TMEM117: variants seen among roughly 807,000 people sequenced by gnomAD.
The protein encoded by TMEM117 is transmembrane protein 117.
A neutral mutation model predicts 52.4 loss-of-function variants in TMEM117; 27 were observed. The observed-to-expected ratio is 0.51, with a 90% CI of 0.38 to 0.71. The LOEUF is 0.71. Ranked by LOEUF, TMEM117 falls within the 30% of genes least tolerant of loss-of-function variation. The probability of loss-of-function intolerance (pLI) is 0.00; values close to 1 mark genes in which losing one functional copy is unlikely to be tolerated. For synonymous variants in TMEM117, 215 were observed against 206.3 expected, an observed-to-expected ratio of 1.04 and a Z score of -0.36; for missense variants, 556 against 630.5, an observed-to-expected ratio of 0.88 and a Z score of 1.26.
At chr12:43,938,948 C>T (rs1043668828) in intron 2 of TMEM117, among the ~76,000 whole-genome samples, 20 of 151,132 alleles carry the variant, frequency 1.3e-4, no homozygotes, top group South Asian at 6.2e-4. Context: ...TGCAGTGAGC[C>T]GAGATTGCTC....
At chr12:43,982,739 A>G (rs559478059) in intron 3 of TMEM117, among the ~76,000 whole-genome samples, 41 of 152,304 alleles carry the variant, frequency 2.7e-4, no homozygotes, top group Admixed American at 1.3e-3. Context: ...TGTGAATAGA[A>G]TGACTCTTCT....
At chr12:44,370,349 C>A (rs1006347572) in intron 6 of TMEM117, among the ~76,000 whole-genome samples, 1 of 151,944 alleles carries the variant, frequency 6.6e-6, no homozygotes, top group South Asian at 2.1e-4. Flanking sequence ...TTCCAGTACA[C>A]CTAGTTTATA....
chr12:44,153,488 A>T (rs1948784394), intron 4 of TMEM117, among the ~76,000 whole-genome samples: 2 of 152,064 alleles, frequency 1.3e-5, no homozygotes, highest in Non-Finnish European at 2.9e-5. Context: ...TTTAGGCACG[A>T]AATGATATAA....
chr12:43,935,364 G>A (rs374326207), intron 2 of TMEM117, among the ~76,000 whole-genome samples: 112 of 152,270 alleles, frequency 7.4e-4, no homozygotes, highest in African/African-American at 2.6e-3. Context: ...TTCAACTGCT[G>A]TAATCAAATT....
intron 2 of TMEM117, among the ~76,000 whole-genome samples, chr12:43,932,956 T>A (rs543686427): frequency 4.6e-5 from 7 of 152,290 alleles, no homozygotes; most frequent in African/African-American, 1.7e-4. Context: ...ACTGTAAATG[T>A]GGATGACATG....
At chr12:44,342,512 A>C (rs191274402) in intron 6 of TMEM117, among the ~76,000 whole-genome samples, 2 of 152,218 alleles carry the variant, frequency 1.3e-5, no homozygotes, top group Admixed American at 1.3e-4. Context: ...TACTGAACTA[A>C]TCTAAATTAT....
At chr12:43,951,714 G>T (rs1437367722) in intron 3 of TMEM117, among the ~76,000 whole-genome samples, 1 of 152,106 alleles carries the variant, frequency 6.6e-6, no homozygotes, top group Non-Finnish European at 1.5e-5. Flanking sequence ...TTTCTTGCCT[G>T]CCAGCTCTGA....
chr12:43,846,715 G>C (rs1045459035), intron 2 of TMEM117, among the ~76,000 whole-genome samples: 58 of 152,304 alleles, frequency 3.8e-4, no homozygotes, highest in African/African-American at 1.3e-3. Context: ...CAATTAGGAA[G>C]AGAATGTAAT....
intron 3 of TMEM117, among the ~76,000 whole-genome samples, chr12:43,953,206 A>G (rs1945252940): frequency 6.6e-6 from 1 of 152,190 alleles, no homozygotes; most frequent in African/African-American, 2.4e-5. Context: ...ACACTGAAGT[A>G]CACAGACCAA....
At chr12:43,944,833 GC>G (rs1945103067) in intron 3 of TMEM117, among the ~76,000 whole-genome samples, 1 of 152,092 alleles carries the variant, frequency 6.6e-6, no homozygotes, top group African/African-American at 2.4e-5. Flanking sequence ...GTGGGCCACA[GC>G]TGGGCATGGT....
At chr12:43,870,810 G>A (rs1943690684) in intron 2 of TMEM117, among the ~76,000 whole-genome samples, 1 of 152,034 alleles carries the variant, frequency 6.6e-6, no homozygotes, top group Non-Finnish European at 1.5e-5. Flanking sequence ...TTGAGACGGA[G>A]TATCGCTGTT....
chr12:44,347,380 A>T (rs1951502109), intron 6 of TMEM117, among the ~76,000 whole-genome samples: 1 of 152,088 alleles, frequency 6.6e-6, no homozygotes, highest in African/African-American at 2.4e-5. Context: ...TCTAGGGTTG[A>T]AGGGTACTTA....
At chr12:43,850,784 C>T (rs1943293346) in intron 2 of TMEM117, among the ~76,000 whole-genome samples, 1 of 152,098 alleles carries the variant, frequency 6.6e-6, no homozygotes, top group Non-Finnish European at 1.5e-5. Context: ...CCCTGGTTCC[C>T]AAATAATTAG....
chr12:43,837,166 A>G (rs190489088), intron 1 of TMEM117, among the ~76,000 whole-genome samples: 5 of 152,188 alleles, frequency 3.3e-5, no homozygotes, highest in African/African-American at 1.2e-4. Context: ...TATCCCTCCT[A>G]TTCCACCCTC....
At chr12:43,812,510 A>G in the TMEM117 span, among the ~76,000 whole-genome samples, 1 of 152,210 alleles carries the variant, frequency 6.6e-6, no homozygotes, top group Non-Finnish European at 1.5e-5. Context: ...TGAAGGATAT[A>G]TTTACATACT....
chr12:44,121,571 TGTA>T (rs1948235309), intron 3 of TMEM117, among the ~76,000 whole-genome samples: 1 of 152,210 alleles, frequency 6.6e-6, no homozygotes, highest in South Asian at 2.1e-4. Flanking sequence ...ATTGTACAAA[TGTA>T]GTATGTAATA....
At chr12:43,871,726 T>C (rs1943708916) in intron 2 of TMEM117, among the ~76,000 whole-genome samples, 1 of 152,250 alleles carries the variant, frequency 6.6e-6, no homozygotes, top group South Asian at 2.1e-4. Flanking sequence ...TTAAGAGATG[T>C]ATGCTAATAA....
At chr12:44,336,532 G>A (rs976431861) in intron 6 of TMEM117, among the ~76,000 whole-genome samples, 5 of 151,940 alleles carry the variant, frequency 3.3e-5, no homozygotes, top group African/African-American at 1.2e-4. Context: ...AAAATGGAAA[G>A]CAAGCTTTTA....
chr12:44,018,719 T>G (rs988407318), intron 3 of TMEM117, among the ~76,000 whole-genome samples: 1 of 151,158 alleles, frequency 6.6e-6, no homozygotes, highest in Non-Finnish European at 1.5e-5. Context: ...TTTTTTCTTT[T>G]TCTTTCTTTT....
Sources: allele counts gnomAD v4.1 joint callset (sites outside exome capture counted in the v4.1 genomes callset), GRCh38; gene constraint gnomAD v4.1.1; transcripts MANE v1.5; gene names NCBI Gene and HGNC (gene_info 2026-07-23, HGNC 2026-07-21).